Variants in CACHD1 observed in about 807,000 individuals in gnomAD.
CACHD1 encodes the protein cache domain containing 1.
In CACHD1, 71 loss-of-function variants were observed where a neutral mutation model predicts 138.7. The observed-to-expected ratio is 0.51, with a 90% CI of 0.42 to 0.62. CACHD1 has a LOEUF of 0.62. CACHD1 is among the 20% of genes least tolerant of loss of function. CACHD1 has a pLI of 0.00. For synonymous variants in CACHD1, 578 were observed against 591.5 expected (o/e 0.98, Z 0.33); for missense variants, 1,389 against 1,625.3 (o/e 0.85, Z 2.50).
intron 3 of CACHD1, among the ~76,000 whole-genome samples, chr1:64,594,253 TAA>T (rs5774710): frequency 1.4e-4 from 19 of 137,986 alleles, no homozygotes; most frequent in Admixed American, 2.2e-4. Flanking sequence ...AAACTTTGTC[TAA>T]AAAAAAAAAA....
chr1:64,558,510 C>G (rs930009053), intron 2 of CACHD1, among the ~76,000 whole-genome samples: 3 of 152,198 alleles, frequency 2.0e-5, no homozygotes, highest in South Asian at 4.2e-4. Context: ...GATTTAGATA[C>G]TGACTTGATA....
At chr1:64,628,194 T>C (rs1472958949) in intron 4 of CACHD1, among the ~76,000 whole-genome samples, 1 of 152,224 alleles carries the variant, frequency 6.6e-6, no homozygotes, top group Admixed American at 6.5e-5. Flanking sequence ...GATCCTTATT[T>C]GATCACATGG....
At chr1:64,657,190 C>T (rs1306507024) in intron 12 of CACHD1, among the ~76,000 whole-genome samples, 2 of 152,076 alleles carry the variant, frequency 1.3e-5, no homozygotes, top group African/African-American at 4.8e-5. Flanking sequence ...CACTTCAAAA[C>T]ATGGATCCCA....
chr1:64,547,532 A>AT (rs1276999679), intron 1 of CACHD1, among the ~76,000 whole-genome samples: 1 of 151,920 alleles, frequency 6.6e-6, no homozygotes, highest in African/African-American at 2.4e-5. Flanking sequence ...TGCCTGGCTA[A>AT]TTTTTTGTAT....
chr1:64,544,562 C>G (rs1213466217), intron 1 of CACHD1, among the ~76,000 whole-genome samples: 6 of 150,926 alleles, frequency 4.0e-5, no homozygotes, highest in African/African-American at 1.5e-4. Context: ...GCAGCCAGTA[C>G]AAGGTGGGGA....
At chr1:64,572,871 AC>A (rs1444328064) in intron 2 of CACHD1, among the ~76,000 whole-genome samples, 2 of 152,016 alleles carry the variant, frequency 1.3e-5, no homozygotes, top group Non-Finnish European at 2.9e-5. Context: ...CTGTCAGACT[AC>A]CCTGAAGTCT....
At chr1:64,576,159 T>A (rs1193069495) in intron 2 of CACHD1, among the ~76,000 whole-genome samples, 1 of 152,128 alleles carries the variant, frequency 6.6e-6, no homozygotes, top group Non-Finnish European at 1.5e-5. Context: ...CCTTAGGGGA[T>A]GAAGGGGAAA....
At chr1:64,674,328 G>A (rs1056283232) in intron 19 of CACHD1, among the ~76,000 whole-genome samples, 2 of 152,154 alleles carry the variant, frequency 1.3e-5, no homozygotes, top group African/African-American at 2.4e-5. Context: ...GTTTTTAAAG[G>A]AGACATTGAC....
At chr1:64,690,908 T>C (rs1200784286) in intron 26 of CACHD1, among the ~76,000 whole-genome samples, 1 of 152,178 alleles carries the variant, frequency 6.6e-6, no homozygotes, top group African/African-American at 2.4e-5. Context: ...TGTCCATTTT[T>C]TGGATTTCTT....
chr1:64,671,114 T>A (rs1420522676), intron 16 of CACHD1, among the ~76,000 whole-genome samples: 1 of 152,232 alleles, frequency 6.6e-6, no homozygotes, highest in Admixed American at 6.5e-5. Context: ...TGTATGACCT[T>A]AGCCACTCAG....
chr1:64,653,127 T>A (rs938714910), intron 10 of CACHD1, among the ~76,000 whole-genome samples: 36 of 152,162 alleles, frequency 2.4e-4, no homozygotes, highest in African/African-American at 8.0e-4. Flanking sequence ...CTTAGCAAAC[T>A]AACTCAGGAA....
intron 25 of CACHD1, among the ~76,000 whole-genome samples, chr1:64,681,556 T>TTTTTTTG (rs1650190947): frequency 1.4e-5 from 2 of 138,632 alleles, no homozygotes; most frequent in East Asian, 4.1e-4. Context: ...TTTTTTTTTT[T>TTTTTTTG]TTTTTTTTGC....
chr1:64,649,074 T>C (rs1649004718), intron 9 of CACHD1, among the ~76,000 whole-genome samples: 1 of 152,190 alleles, frequency 6.6e-6, no homozygotes, highest in Admixed American at 6.5e-5. Context: ...CTAGGAACTC[T>C]TACAAATACG....
intron 1 of CACHD1, among the ~76,000 whole-genome samples, chr1:64,512,731 A>G (rs920964753): frequency 3.3e-5 from 5 of 152,288 alleles, no homozygotes; most frequent in Middle Eastern, 3.4e-3. Flanking sequence ...CACATGGATT[A>G]GTTGTAACTT....
intron 26 of CACHD1, among the ~76,000 whole-genome samples, chr1:64,689,817 C>A (rs547672465): frequency 6.6e-6 from 1 of 152,136 alleles, no homozygotes; most frequent in Non-Finnish European, 1.5e-5. Flanking sequence ...CCACTTAAGC[C>A]CAACTAAAAT....
chr1:64,678,187 T>C lies in CACHD1; in HGVS notation c.3121T>C (p.Trp1041Arg). The C allele has an allele frequency of 6.2e-7, 1 of 1,611,840 alleles. No homozygotes were observed. The highest frequency in any genetic ancestry group is 8.5e-7 in the Non-Finnish European group (1 of 1,179,162). Residue 1041 changes from tryptophan to arginine, a missense_variant, in exon 23 of 27, where the codon TGG becomes CGG. By Grantham distance (101) the Trp-to-Arg change is moderately radical. Coordinates refer to ENST00000651257, the MANE Select transcript of CACHD1 (RefSeq NM_020925.4). Reference protein sequence around the residue: ...GDCFGVLDCEWCMVDSDGKTH... With the variant: ...GDCFGVLDCERCMVDSDGKTH... ...CTGTTTTGGGGTGCTGGATTGTGAA[T>C]GGTGCATGGTGGACAGTGATGGAAA... is the stretch of plus-strand genomic sequence containing the variant.
At chr1:64,559,848 A>T (rs1229526729) in intron 2 of CACHD1, among the ~76,000 whole-genome samples, 1 of 151,904 alleles carries the variant, frequency 6.6e-6, no homozygotes, top group Non-Finnish European at 1.5e-5. Context: ...AGAGTTTCTT[A>T]TTTTGTTTTT....
At chr1:64,593,502 G>C (rs1380864568) in intron 3 of CACHD1, among the ~76,000 whole-genome samples, 1 of 152,086 alleles carries the variant, frequency 6.6e-6, no homozygotes, top group Non-Finnish European at 1.5e-5. Context: ...TGTGTCACAA[G>C]GTCAAATAAT....
chr1:64,685,799 C>T (rs1557558255), intron 26 of CACHD1, among the ~76,000 whole-genome samples: 1 of 151,418 alleles, frequency 6.6e-6, no homozygotes. Flanking sequence ...GTTAGCACCA[C>T]TGCACTCTAG....
Sources: allele counts gnomAD v4.1 joint callset (sites outside exome capture counted in the v4.1 genomes callset), GRCh38; gene constraint gnomAD v4.1.1; transcripts MANE v1.5; gene names NCBI Gene and HGNC (gene_info 2026-07-23, HGNC 2026-07-21).